The following PRELID2 variants were observed in gnomAD, a reference collection of about 807,000 sequenced individuals.
PRELID2 encodes the protein PRELI domain-containing protein 2.
Under a neutral mutation model 28.4 loss-of-function variants are expected in PRELID2, and 25 were observed. The observed-to-expected ratio is 0.88, with a 90% CI of 0.64 to 1.23. The LOEUF is 1.23. PRELID2 is among the 50% of genes most tolerant of loss of function. The pLI is 0.00. For missense variants in PRELID2, 201 were observed against 214.4 expected (o/e 0.94, Z 0.39); for synonymous variants, 76 against 71.6 (o/e 1.06, Z -0.31).
the PRELID2 span, among the ~76,000 whole-genome samples, chr5:145,434,829 G>A: frequency 6.6e-6 from 1 of 152,278 alleles, no homozygotes; most frequent in African/African-American, 2.4e-5. Context: ...ATATGTGAAA[G>A]TCAGAAGGGA....
At chr5:145,536,988 T>G (rs1431932358) in intron 1 of PRELID2, among the ~76,000 whole-genome samples, 5 of 151,830 alleles carry the variant, frequency 3.3e-5, no homozygotes, top group African/African-American at 1.2e-4. Context: ...TTTTAAAAAA[T>G]TATTAAATAA....
intron 5 of PRELID2, among the ~76,000 whole-genome samples, chr5:145,792,964 G>A (rs367692577): frequency 1.3e-5 from 2 of 152,212 alleles, no homozygotes; most frequent in Non-Finnish European, 2.9e-5. Context: ...GGTCACAAAG[G>A]TGAGGAGAGC....
Position 145,487,569 on chromosome 5 carries a change from G to A in PRELID2, n.71-14254C>T, listed in dbSNP as rs963341296. Among the ~76,000 whole-genome samples the A allele has an allele frequency of 2.6e-5, 4 of 152,118 alleles. No individual in the cohort carries two copies. In the East Asian group the frequency reaches 5.8e-4, roughly 22 times the overall value. On this transcript the variant is annotated intron_variant and non_coding_transcript_variant, in intron 1 of 2. Transcript: ENST00000510259. ...TGGAGGGGTTCCTACCAGGACAGCT[G>A]ATCTCAGATGATGAGTTGGAGAGGG... is the stretch of plus-strand genomic sequence containing the variant.
chr5:145,425,219 G>T, the PRELID2 span, among the ~76,000 whole-genome samples: 3 of 152,178 alleles, frequency 2.0e-5, no homozygotes, highest in African/African-American at 7.2e-5. Flanking sequence ...ACCATCTCAT[G>T]CCAGTCAGAA....
the PRELID2 span, among the ~76,000 whole-genome samples, chr5:145,349,033 C>A: frequency 2.0e-5 from 3 of 151,952 alleles, no homozygotes; most frequent in Admixed American, 2.0e-4. Context: ...ACATAATTAC[C>A]AAACATAGTG....
chr5:145,822,640 G>A (rs1258097097), intron 2 of PRELID2, among the ~76,000 whole-genome samples: 3 of 152,276 alleles, frequency 2.0e-5, no homozygotes, highest in African/African-American at 7.2e-5. Flanking sequence ...CTACAGCCAT[G>A]TGACCTTGAG....
At chr5:145,332,351 T>C in the PRELID2 span, among the ~76,000 whole-genome samples, 1 of 152,226 alleles carries the variant, frequency 6.6e-6, no homozygotes, top group African/African-American at 2.4e-5. Flanking sequence ...GATAATATCC[T>C]GAAGAGTATT....
At chr5:145,483,331 T>G (rs34543438) in intron 1 of PRELID2, among the ~76,000 whole-genome samples, 92,789 of 151,956 alleles carry the variant, frequency 0.61, 29,021 homozygotes, top group East Asian at 0.98. Flanking sequence ...CTAGCTGTTT[T>G]GGATCCCCAG....
At chr5:145,609,972 A>G (rs1753587553) in intron 1 of PRELID2, among the ~76,000 whole-genome samples, 1 of 152,192 alleles carries the variant, frequency 6.6e-6, no homozygotes, top group Non-Finnish European at 1.5e-5. Context: ...TGCAGCCTCT[A>G]TTAGGGCTAT....
intron 1 of PRELID2, among the ~76,000 whole-genome samples, chr5:145,611,632 A>G (rs973795933): frequency 6.6e-6 from 1 of 152,238 alleles, no homozygotes; most frequent in African/African-American, 2.4e-5. Context: ...TGGATTAAAC[A>G]ATACTTAATT....
the PRELID2 span, among the ~76,000 whole-genome samples, chr5:145,394,755 G>A: frequency 6.6e-6 from 1 of 152,098 alleles, no homozygotes; most frequent in African/African-American, 2.4e-5. Context: ...ATGGAGGAGT[G>A]GCAGAAAAGT....
intron 4 of PRELID2, among the ~76,000 whole-genome samples, chr5:145,799,852 C>T (rs1289342077): frequency 6.6e-6 from 1 of 152,186 alleles, no homozygotes; most frequent in Non-Finnish European, 1.5e-5. Flanking sequence ...ACATCTGCGC[C>T]ACTGACTAAA....
the PRELID2 span, among the ~76,000 whole-genome samples, chr5:145,410,897 G>A: frequency 1.3e-5 from 2 of 152,018 alleles, no homozygotes; most frequent in Non-Finnish European, 2.9e-5. Context: ...TCTCATCTGA[G>A]TCAAAGCAAA....
At chr5:145,553,764 A>G (rs919967371) in intron 1 of PRELID2, among the ~76,000 whole-genome samples, 4 of 152,228 alleles carry the variant, frequency 2.6e-5, no homozygotes, top group Admixed American at 6.5e-5. Flanking sequence ...ATAGACATGA[A>G]CAGGTTTGTA....
chr5:145,402,148 A>C, the PRELID2 span, among the ~76,000 whole-genome samples: 1 of 152,180 alleles, frequency 6.6e-6, no homozygotes, highest in South Asian at 2.1e-4. Context: ...GATGGGACAG[A>C]TATGACCATT....
chr5:145,631,101 C>T (rs1387248871), intron 1 of PRELID2, among the ~76,000 whole-genome samples: 2 of 152,128 alleles, frequency 1.3e-5, no homozygotes, highest in Non-Finnish European at 2.9e-5. Flanking sequence ...AAGCTCCACA[C>T]ACAAATATAA....
intron 1 of PRELID2, among the ~76,000 whole-genome samples, chr5:145,571,952 A>C (rs1324428807): frequency 6.6e-6 from 1 of 151,510 alleles, no homozygotes; most frequent in African/African-American, 2.4e-5. Flanking sequence ...ACTGCACTCC[A>C]GCCTGGGCAA....
chr5:145,378,489 AT>A, the PRELID2 span, among the ~76,000 whole-genome samples: 1 of 152,074 alleles, frequency 6.6e-6, no homozygotes, highest in Non-Finnish European at 1.5e-5. Context: ...ATTTCTTGTC[AT>A]TCTTTTTTCT....
intron 1 of PRELID2, among the ~76,000 whole-genome samples, chr5:145,691,962 C>T (rs1423459514): frequency 6.6e-6 from 1 of 152,084 alleles, no homozygotes; most frequent in Non-Finnish European, 1.5e-5. Context: ...GTCTGGAATA[C>T]CACCCTGGCC....
Sources: gnomAD v4.1 joint callset for allele counts (sites outside exome capture counted in the v4.1 genomes callset) on GRCh38, gnomAD v4.1.1 for gene constraint, MANE v1.5 for transcripts, NCBI Gene and HGNC (gene_info 2026-07-23, HGNC 2026-07-21) for gene names.